Variants in DHX9 observed in about 807,000 individuals in gnomAD.
DHX9 encodes ATP-dependent RNA helicase A.
Under a neutral mutation model 148.7 loss-of-function variants are expected in DHX9, and 27 were observed. That is an observed-to-expected ratio of 0.18 (90% CI 0.13 to 0.25). DHX9 has a LOEUF of 0.25. DHX9 is among the 10% of genes least tolerant of loss of function. The probability of loss-of-function intolerance (pLI) is 1.00; values close to 1 mark genes in which losing one functional copy is unlikely to be tolerated. For synonymous variants in DHX9, 529 were observed against 516.6 expected, an observed-to-expected ratio of 1.02 and a Z score of -0.33; for missense variants, 796 against 1,559.6, an observed-to-expected ratio of 0.51 and a Z score of 8.25.
rs1386675734 is a variant in DHX9 at position 182,858,574 on chromosome 1, C to G, written c.834C>G (p.Leu278=). 5.6e-6 allele frequency: 9 copies of G among 1,610,706 alleles called. No homozygotes were observed. The highest frequency in any genetic ancestry group is 1.1e-5 in the South Asian group (1 of 90,886). The change falls in exon 9 of 28, where the codon CTC becomes CTG. Residue 278 remains leucine, a synonymous_variant. Transcript: ENST00000367549. ...GETVEPYKVN[L]SQDLEHQLQN... ...AGGTGGAGCCTTACAAAGTAAACCT[C>G]TCTCAAGATTTAGAGCATCAGCTGC... is the stretch of plus-strand genomic sequence containing the variant.
intron 14 of DHX9, among the ~76,000 whole-genome samples, chr1:182,871,849 T>C (rs1349580777): frequency 2.0e-5 from 3 of 152,210 alleles, no homozygotes; most frequent in Non-Finnish European, 4.4e-5. Context: ...GGCCAGGAGT[T>C]TGAGACCAGC....
intron 27 of DHX9, among the ~76,000 whole-genome samples, chr1:182,886,537 T>TATTCTCG (rs1553242447): frequency 6.6e-6 from 1 of 152,152 alleles, no homozygotes; most frequent in African/African-American, 2.4e-5. Flanking sequence ...TTGGTGGTGT[T>TATTCTCG]ATTCTCGAAG....
chr1:182,865,186 T>C (rs1280105186), intron 12 of DHX9, among the ~76,000 whole-genome samples: 1 of 152,244 alleles, frequency 6.6e-6, no homozygotes, highest in Non-Finnish European at 1.5e-5. Context: ...GGTTACATTT[T>C]GTACCTTTAG....
chr1:182,871,919 G>A (rs1648569054), intron 14 of DHX9, among the ~76,000 whole-genome samples: 1 of 152,150 alleles, frequency 6.6e-6, no homozygotes, highest in African/African-American at 2.4e-5. Flanking sequence ...TGATTATCCT[G>A]CCTCAGTCTC....
At chr1:182,877,805 G>T in intron 19 of DHX9, 1 of 541,114 alleles carries the variant, frequency 1.8e-6, no homozygotes, top group South Asian at 2.8e-5. Flanking sequence ...CAGTTCAGCT[G>T]ATAAGTGGCA....
chr1:182,844,140 G>A (rs1268955734), intron 3 of DHX9, among the ~76,000 whole-genome samples: 1 of 152,088 alleles, frequency 6.6e-6, no homozygotes, highest in East Asian at 1.9e-4. Context: ...TAGAGATAGG[G>A]TTTCACCATG....
chr1:182,875,257 C>T (rs1648707675), intron 16 of DHX9: 7 of 458,372 alleles, frequency 1.5e-5, no homozygotes, highest in South Asian at 1.1e-4. Context: ...GGTTTTGCTA[C>T]TCAAAGTTTT....
intron 12 of DHX9, 121 bp from the exon 13 acceptor site, chr1:182,866,323 T>A (rs1032514732): frequency 1.0e-6 from 1 of 983,428 alleles, no homozygotes; most frequent in Non-Finnish European, 1.5e-6. Flanking sequence ...GTACATTTAT[T>A]GTTTCTGTTA....
At chr1:182,848,888 CT>C (rs1208999829) in intron 3 of DHX9, among the ~76,000 whole-genome samples, 6 of 152,192 alleles carry the variant, frequency 3.9e-5, no homozygotes, top group Non-Finnish European at 8.8e-5. Flanking sequence ...ATGCCACACA[CT>C]TTTAAATGAC....
chr1:182,887,729 A>G lies in DHX9; in HGVS notation c.*295A>G, dbSNP rs1429802106. ...TCCTGGCTTTCGTTTAATACAATAG[A>G]AAATAAAGTATTACACCGAATACTT... On this transcript the variant is annotated 3_prime_UTR_variant, in exon 28 of 28. Transcript: ENST00000367549. 1.6e-5 allele frequency: 5 copies of G among 315,570 alleles called. No homozygotes were observed. The East Asian group carries it at 3.1e-4, about 20-fold the overall frequency. 19.5% of individuals were successfully genotyped at this position (315,570 alleles called of 1,614,324 possible). A position where few individuals can be genotyped will look rare whatever the true frequency, so the allele number is the denominator to read the frequency against.
intron 3 of DHX9, among the ~76,000 whole-genome samples, chr1:182,846,035 C>T (rs1020951551): frequency 2.0e-5 from 3 of 152,048 alleles, no homozygotes; most frequent in Non-Finnish European, 4.4e-5. Context: ...TTCTCACTTC[C>T]CCAGAGGCTG....
chr1:182,868,221 T>C (rs1201136118), intron 14 of DHX9, among the ~76,000 whole-genome samples: 1 of 152,162 alleles, frequency 6.6e-6, no homozygotes, highest in East Asian at 1.9e-4. Flanking sequence ...TCCATCAGTA[T>C]GGATAAACTT....
In DHX9 at chr1:182,839,362, CCTCCATGCGAGTTG is replaced by C. The variant is rs1667867472; in HGVS notation, c.-114_-101del. On this transcript the variant is annotated 5_prime_UTR_variant, in exon 1 of 28. It removes an upstream start codon present in the reference 5' UTR. Transcript: ENST00000367549. Reference sequence around the variant, plus strand: ...CGCGGTCGGAGCCATTTCGCCGATTCCTCCATGCGAGTTGCTGTGCGTTTCTCTGTTGTCTCGGT... The same window carrying C: ...CGCGGTCGGAGCCATTTCGCCGATTCCTGTGCGTTTCTCTGTTGTCTCGGT... The C allele has an allele frequency of 6.6e-6, 1 of 152,298 alleles. No individual in the cohort carries two copies. Among genetic ancestry groups the C allele is most frequent in the Non-Finnish European group, 1.5e-5 (1 of 68,110 alleles). The allele number at this position is 152,298 out of a possible 1,614,324, so 9.4% of individuals were successfully genotyped here.
At chr1:182,859,309 T>A (rs1406098818) in intron 11 of DHX9, among the ~76,000 whole-genome samples, 192 bp downstream of exon 11, 1 of 152,230 alleles carries the variant, frequency 6.6e-6, no homozygotes, top group Non-Finnish European at 1.5e-5. Context: ...ATTTCACTTC[T>A]TAATGTAATT....
chr1:182,887,726 T>C lies in DHX9; in HGVS notation c.*292T>C. ...TTTTCCTGGCTTTCGTTTAATACAA[T>C]AGAAAATAAAGTATTACACCGAATA... On this transcript the variant is annotated 3_prime_UTR_variant, in exon 28 of 28. Coordinates refer to ENST00000367549, the MANE Select transcript of DHX9 (RefSeq NM_001357.5). The C allele has an allele frequency of 3.1e-6, 1 of 323,944 alleles. No individual in the cohort carries two copies. Among genetic ancestry groups the C allele is most frequent in the African/African-American group, 2.1e-5 (1 of 48,126 alleles). The allele number at this position is 323,944 out of a possible 1,614,324, so 20.1% of individuals were successfully genotyped here.
chr1:182,868,534 T>TTTTTTTTTTTTTTTG (rs1648403826), intron 14 of DHX9, among the ~76,000 whole-genome samples: 1 of 149,436 alleles, frequency 6.7e-6, no homozygotes, highest in Admixed American at 6.6e-5. Context: ...TTTTTTTTTT[T>TTTTTTTTTTTTTTTG]GAGGAGTCTT....
chr1:182,854,218 G>A (rs930055023), intron 6 of DHX9, 40 bp downstream of exon 6: 2 of 1,544,706 alleles, frequency 1.3e-6, no homozygotes, highest in Non-Finnish European at 1.8e-6. Flanking sequence ...AGTAAGTTAA[G>A]GTGGTTTTGG....
chr1:182,868,957 A>G (rs555198027), intron 14 of DHX9, among the ~76,000 whole-genome samples: 6 of 152,070 alleles, frequency 3.9e-5, no homozygotes, highest in African/African-American at 7.2e-5. Flanking sequence ...TCTCTTGGAA[A>G]CTTTATAGGT....
chr1:182,887,780 G>A lies in DHX9; in HGVS notation c.*346G>A, dbSNP rs151041320. On this transcript the variant is annotated 3_prime_UTR_variant, in exon 28 of 28. Transcript: ENST00000367549. ...GCCGTGTAGTTTGTTTGTTGACCTC[G>A]TATGTTAGAAAATTTTACAATGCCA... 28 of 203,880 alleles carry A rather than the reference G, an allele frequency of 1.4e-4. No individual in the cohort carries two copies. The highest frequency in any genetic ancestry group is 2.5e-4 in the Non-Finnish European group (25 of 98,198). The allele number at this position is 203,880 out of a possible 1,614,324, so 12.6% of individuals were successfully genotyped here.
Sources: gnomAD v4.1 joint callset for allele counts (sites outside exome capture counted in the v4.1 genomes callset) on GRCh38, gnomAD v4.1.1 for gene constraint, MANE v1.5 for transcripts, NCBI Gene and HGNC (gene_info 2026-07-23, HGNC 2026-07-21) for gene names.